The following HMCN1 variants were observed in gnomAD, a reference collection of about 807,000 sequenced individuals.
HMCN1 encodes the protein hemicentin-1.
HMCN1 carries 321 observed loss-of-function variants against 625.9 expected under a neutral mutation model. That is an observed-to-expected ratio of 0.51 (90% confidence interval 0.47 to 0.56). The LOEUF is 0.56. Ranked by LOEUF, HMCN1 falls within the 20% of genes least tolerant of loss-of-function variation. The pLI is 0.00. For synonymous variants in HMCN1, 2,425 were observed against 2,417.6 expected (o/e 1.00, Z -0.09); for missense variants, 6,588 against 6,887.3 (o/e 0.96, Z 1.54).
chr1:186,042,911 G>A (rs968116338), intron 40 of HMCN1, among the ~76,000 whole-genome samples: 1 of 152,078 alleles, frequency 6.6e-6, no homozygotes, highest in Non-Finnish European at 1.5e-5. Flanking sequence ...GGGTGGAATA[G>A]GGGAAGTAGA....
intron 49 of HMCN1, among the ~76,000 whole-genome samples, chr1:186,066,353 C>T (rs1658112817): frequency 6.6e-6 from 1 of 152,098 alleles, no homozygotes; most frequent in African/African-American, 2.4e-5. Context: ...AGCCCTTTTC[C>T]ACCAACTTCA....
intron 4 of HMCN1, among the ~76,000 whole-genome samples, chr1:185,902,693 T>A (rs987661546): frequency 2.6e-5 from 4 of 151,582 alleles, no homozygotes; most frequent in Non-Finnish European, 4.4e-5. Flanking sequence ...CCTCCCTAAC[T>A]AGGGGTTGTT....
At chr1:186,150,131 TG>T (rs1179929890) in intron 93 of HMCN1, among the ~76,000 whole-genome samples, 2 of 128,320 alleles carry the variant, frequency 1.6e-5, no homozygotes, top group Non-Finnish European at 3.2e-5. Flanking sequence ...GCCTTCAATT[TG>T]TAAAAAAAAC....
intron 46 of HMCN1, among the ~76,000 whole-genome samples, chr1:186,058,604 G>GT (rs1245405718): frequency 4.0e-5 from 6 of 151,892 alleles, no homozygotes; most frequent in East Asian, 1.9e-4. Context: ...GGATTATGTT[G>GT]TTTTTTTCTA....
chr1:185,916,853 G>A (rs1227597295), intron 6 of HMCN1, among the ~76,000 whole-genome samples: 2 of 152,200 alleles, frequency 1.3e-5, no homozygotes, highest in South Asian at 2.1e-4. Flanking sequence ...CCAAGCTGAT[G>A]GAGGCTCTGC....
At position 186,076,611 on chromosome 1, in the gene HMCN1, T is replaced by G; in HGVS notation, c.8474T>G (p.Leu2825Trp). The part of the protein sequence containing the change: ...GHPLTSSDKV[L>W]ILPGGRVLQI... Reference sequence around the variant, plus strand: ...CCTCTGACCTCAAGTGATAAAGTATTGATTTTGCCAGGTAAAGATTGATAC... The same window carrying G: ...CCTCTGACCTCAAGTGATAAAGTATGGATTTTGCCAGGTAAAGATTGATAC... Residue 2825 changes from leucine to tryptophan, a missense_variant, in exon 54 of 107, where the codon TTG becomes TGG. Transcript: ENST00000271588. 4 of 1,613,230 alleles carry G rather than the reference T, an allele frequency of 2.5e-6. No homozygotes were observed. The highest frequency in any genetic ancestry group is 3.4e-6 in the Non-Finnish European group (4 of 1,179,682).
chr1:185,898,419 T>C (rs1165756886), intron 4 of HMCN1, among the ~76,000 whole-genome samples: 1 of 152,156 alleles, frequency 6.6e-6, no homozygotes, highest in Non-Finnish European at 1.5e-5. Flanking sequence ...AATGAAGTCT[T>C]GGAAATTTGC....
chr1:186,164,708 C>T (rs1033705601), intron 97 of HMCN1, among the ~76,000 whole-genome samples: 7 of 152,182 alleles, frequency 4.6e-5, no homozygotes, highest in African/African-American at 7.2e-5. Context: ...CTATTTTTCA[C>T]GGGCACAAAT....
chr1:185,894,597 C>T (rs1665372927), intron 4 of HMCN1, among the ~76,000 whole-genome samples: 1 of 152,194 alleles, frequency 6.6e-6, no homozygotes, highest in Non-Finnish European at 1.5e-5. Context: ...TTTCCATTTA[C>T]ATTCCTGTCA....
At chr1:186,165,218 C>G in intron 98 of HMCN1, 45 bp downstream of exon 98, 1 of 1,516,958 alleles carries the variant, frequency 6.6e-7, no homozygotes, top group South Asian at 1.1e-5. Flanking sequence ...ATGAAAATGT[C>G]AATATTGGAT....
At chr1:185,941,820 TAAAG>T (rs1207532115) in intron 11 of HMCN1, among the ~76,000 whole-genome samples, 2 of 152,060 alleles carry the variant, frequency 1.3e-5, no homozygotes, top group African/African-American at 4.8e-5. Flanking sequence ...CTCTAAAACT[TAAAG>T]AAAAGAAATA....
chr1:185,763,675 G>A (rs1026507075), intron 1 of HMCN1, among the ~76,000 whole-genome samples: 1 of 152,100 alleles, frequency 6.6e-6, no homozygotes, highest in Admixed American at 6.6e-5. Flanking sequence ...TCTGCCAGAT[G>A]GTCATGTATA....
At chr1:185,992,673 A>G (rs1005604991) in intron 22 of HMCN1, among the ~76,000 whole-genome samples, 3 of 152,152 alleles carry the variant, frequency 2.0e-5, no homozygotes, top group South Asian at 2.1e-4. Flanking sequence ...TGTATAAGAA[A>G]TCTTGGTACT....
chr1:185,920,710 T>C (rs984764508), intron 6 of HMCN1, among the ~76,000 whole-genome samples: 1 of 152,184 alleles, frequency 6.6e-6, no homozygotes, highest in African/African-American at 2.4e-5. Context: ...TACCACATTG[T>C]TGAAAACCAC....
At chr1:185,750,184 G>C (rs187918282) in intron 1 of HMCN1, among the ~76,000 whole-genome samples, 1 of 152,146 alleles carries the variant, frequency 6.6e-6, no homozygotes, top group Admixed American at 6.5e-5. Flanking sequence ...GTATTTGGTA[G>C]AGCCTCATGT....
chr1:186,019,093 C>T (rs565663030), intron 34 of HMCN1, among the ~76,000 whole-genome samples: 2 of 152,076 alleles, frequency 1.3e-5, no homozygotes, highest in Non-Finnish European at 2.9e-5. Context: ...AGTCACAATT[C>T]CTGAGGGAGG....
chr1:186,112,256 G>T (rs1250506603), intron 71 of HMCN1, among the ~76,000 whole-genome samples: 1 of 152,134 alleles, frequency 6.6e-6, no homozygotes, highest in East Asian at 1.9e-4. Context: ...CAACCTTTCA[G>T]TTGTAAGTGA....
intron 11 of HMCN1, among the ~76,000 whole-genome samples, chr1:185,953,574 G>T (rs931641165): frequency 6.6e-6 from 1 of 151,866 alleles, no homozygotes; most frequent in Non-Finnish European, 1.5e-5. Flanking sequence ...AGAGGTTGAA[G>T]GATAGGGAGG....
At chr1:185,788,259 C>T (rs1047114889) in intron 1 of HMCN1, among the ~76,000 whole-genome samples, 8 of 152,154 alleles carry the variant, frequency 5.3e-5, no homozygotes, top group African/African-American at 1.9e-4. Flanking sequence ...ATTTAAGTGG[C>T]ATTATAAAAT....
Sources: gnomAD v4.1 joint callset for allele counts (sites outside exome capture counted in the v4.1 genomes callset) on GRCh38, gnomAD v4.1.1 for gene constraint, MANE v1.5 for transcripts, NCBI Gene and HGNC (gene_info 2026-07-23, HGNC 2026-07-21) for gene names.